NPHP3: variants seen among roughly 807,000 people sequenced by gnomAD.
NPHP3 encodes the protein nephrocystin-3.
Under a neutral mutation model 171.9 loss-of-function variants are expected in NPHP3, and 123 were observed. That is an observed-to-expected ratio of 0.72 (90% CI 0.62 to 0.83). The LOEUF (loss-of-function observed/expected upper bound fraction) is 0.83, where lower values mean the gene tolerates loss of function less well. NPHP3 is among the 40% of genes least tolerant of loss of function. The pLI, the probability that NPHP3 is intolerant of heterozygous loss-of-function variation, is 0.00. For missense variants in NPHP3, 1,506 were observed against 1,591.9 expected, an observed-to-expected ratio of 0.95 and a Z score of 0.92; for synonymous variants, 558 against 579.2, an observed-to-expected ratio of 0.96 and a Z score of 0.52.
rs1440957419 is a variant in NPHP3, at chr3:132,680,864, A to G, written c.*1046T>C. On this transcript the variant is annotated 3_prime_UTR_variant, in exon 27 of 27. Coordinates refer to ENST00000337331, the MANE Select transcript of NPHP3 (RefSeq NM_153240.5). The stretch of plus-strand genomic sequence containing the variant: ...TGAAGAGACAGATTTAGGCCATCTA[A>G]GAAGGAAGATAAAGGAGAATGTCAT... 1 of 152,228 alleles carries G rather than the reference A, an allele frequency of 6.6e-6. No homozygotes were observed. Among genetic ancestry groups the G allele is most frequent in the East Asian group, 1.9e-4 (1 of 5,198 alleles). The allele number at this position is 152,228 out of a possible 1,614,324, so 9.4% of individuals were successfully genotyped here.
In NPHP3 at chr3:132,722,173, G is replaced by A. The variant is rs1940250594; in HGVS notation, c.183C>T (p.Pro61=). The stretch of plus-strand genomic sequence containing the variant: ...GCAGCCCGCCCGCGCCCACCCCGCG[G>A]GGCAGCGACCCGGGCCCGGCCCCTG... The part of the protein sequence containing the change: ...AAAGAGPGSL[P]RGVGAGGLLG... The change falls in exon 1 of 27, where the codon CCC becomes CCT. Residue 61 remains proline, a synonymous_variant. Coordinates refer to ENST00000337331, the MANE Select transcript of NPHP3 (RefSeq NM_153240.5). 5 of 1,559,630 alleles carry A rather than the reference G, an allele frequency of 3.2e-6. No homozygotes were observed. Among genetic ancestry groups the A allele is most frequent in the Non-Finnish European group, 4.3e-6 (5 of 1,160,854 alleles).
chr3:132,704,011 C>A (rs890408494), intron 9 of NPHP3, among the ~76,000 whole-genome samples, 187 bp downstream of exon 9: 6 of 152,190 alleles, frequency 3.9e-5, no homozygotes, highest in African/African-American at 1.4e-4. Context: ...TCTTTATAAG[C>A]ACATTTGAAT....
At chr3:132,708,355 G>A in intron 6 of NPHP3, 98 bp from the exon 7 acceptor site, 1 of 1,205,276 alleles carries the variant, frequency 8.3e-7, no homozygotes, top group African/African-American at 1.5e-5. Context: ...TTACTACAGT[G>A]ACAAGTGGCC....
chr3:132,699,511 A>C (rs919759134), intron 12 of NPHP3, 61 bp from the exon 13 acceptor site: 31 of 1,035,844 alleles, frequency 3.0e-5, no homozygotes, highest in Non-Finnish European at 4.1e-5. Context: ...CAATCCAATA[A>C]TAGCTCCCCA....
In NPHP3 at chr3:132,704,198, T is replaced by C. The variant is rs776768826; in HGVS notation, c.1524A>G (p.Lys508=). The change falls in exon 9 of 27, where the codon AAA becomes AAG. Residue 508 remains lysine (K), a splice_region_variant and synonymous_variant. Coordinates refer to ENST00000337331, the MANE Select transcript of NPHP3 (RefSeq NM_153240.5). Reference sequence around the variant, plus strand: ...TTGCAATAATACTCCAAGCACTTACTTTCTCAAATCCCAACTCATGGGCTG... The same window carrying C: ...TTGCAATAATACTCCAAGCACTTACCTTCTCAAATCCCAACTCATGGGCTG... ...SNSAHELGFE[K]YYQRLNDLVA... is the part of the protein sequence containing the mutation. 2 of 1,614,160 alleles carry C rather than the reference T, an allele frequency of 1.2e-6. No homozygotes were observed. The highest frequency in any genetic ancestry group is 1.7e-6 in the Non-Finnish European group (2 of 1,179,998).
chr3:132,686,401 G>A lies in NPHP3; in HGVS notation c.3202-14C>T. The A allele has an allele frequency of 6.2e-7, 1 of 1,613,742 alleles. No individual in the cohort carries two copies. The highest frequency in any genetic ancestry group is 8.5e-7 in the Non-Finnish European group (1 of 1,179,806). ...GGCAAATCCGTACTGCAGCAAACATGAAAAATGAAAAGCAATCACTAAGTA... is the reference window on the plus strand; with the variant it reads ...GGCAAATCCGTACTGCAGCAAACATAAAAAATGAAAAGCAATCACTAAGTA... On this transcript the variant is annotated splice_polypyrimidine_tract_variant and intron_variant, in intron 22 of 26. Coordinates refer to ENST00000337331, the MANE Select transcript of NPHP3 (RefSeq NM_153240.5).
chr3:132,683,554 A>T, intron 24 of NPHP3, 30 bp from the exon 25 acceptor site: 1 of 1,574,884 alleles, frequency 6.3e-7, no homozygotes, highest in Admixed American at 1.7e-5. Flanking sequence ...TCTAACAAAA[A>T]TATAAGGCAA....
In NPHP3 at chr3:132,716,926, T is replaced by G. The variant is rs1221185183; in HGVS notation, c.671-17A>C. ...TTCCAGCAGCTGTTCAGCAAGAGATTTTTATCTTGTGAAAGCCAACTTATT... is the reference window on the plus strand; with the variant it reads ...TTCCAGCAGCTGTTCAGCAAGAGATGTTTATCTTGTGAAAGCCAACTTATT... On this transcript the variant is annotated splice_polypyrimidine_tract_variant and intron_variant, in intron 3 of 26. Coordinates refer to ENST00000337331, the MANE Select transcript of NPHP3 (RefSeq NM_153240.5). The G allele has an allele frequency of 3.7e-6, 6 of 1,612,702 alleles. No homozygotes were observed. Among genetic ancestry groups the G allele is most frequent in the Non-Finnish European group, 5.1e-6 (6 of 1,179,942 alleles).
chr3:132,709,724 T>C (rs576034613), intron 6 of NPHP3, among the ~76,000 whole-genome samples: 2 of 152,322 alleles, frequency 1.3e-5, no homozygotes, highest in Admixed American at 1.3e-4. Context: ...GGCGATATTG[T>C]ATGATTCAGA....
intron 6 of NPHP3, 110 bp downstream of exon 6, chr3:132,713,016 A>AT (rs986296280): frequency 9.0e-6 from 5 of 558,318 alleles, no homozygotes; most frequent in Admixed American, 7.4e-5. Flanking sequence ...AATTTCATGG[A>AT]TTTTTTTATT....
Position 132,722,208 on chromosome 3 carries a change from C to T in NPHP3, c.148G>A (p.Gly50Arg). The change falls in exon 1 of 27, where the codon GGG becomes AGG. Residue 50 changes from glycine to arginine, a missense_variant. This residue lies in a region of NPHP3 where 930 missense variants were observed against 924.9 expected (regional missense o/e 1.01). Coordinates refer to ENST00000337331, the MANE Select transcript of NPHP3 (RefSeq NM_153240.5). ...CCGGGCCCGGCCCCTGCTGCCGCCCCCGCGCCTCGGCGGAACGAGTTGCGC... is the reference window on the plus strand; with the variant it reads ...CCGGGCCCGGCCCCTGCTGCCGCCCTCGCGCCTCGGCGGAACGAGTTGCGC... ...LLRNSFRRGA[G>R]AAAGAGPGSL... 6.6e-7 allele frequency: 1 copy of T among 1,519,394 alleles called. No homozygotes were observed. The highest frequency in any genetic ancestry group is 8.7e-7 in the Non-Finnish European group (1 of 1,143,300). The allele number at this position is 1,519,394 out of a possible 1,614,324, so 94.1% of individuals were successfully genotyped here. A position where few individuals can be genotyped will look rare whatever the true frequency, so the allele number is the denominator to read the frequency against.
chr3:132,704,087 T>G (rs1217078935), intron 9 of NPHP3, 111 bp downstream of exon 9: 2 of 1,084,142 alleles, frequency 1.8e-6, no homozygotes, highest in East Asian at 4.8e-5. Flanking sequence ...GCCATGAGAT[T>G]AGACAACTAA....
rs139102338 is a variant in NPHP3 at position 132,714,633 on chromosome 3, G to C, written c.957+452C>G. 1.8e-3 allele frequency among the ~76,000 whole-genome samples: 270 copies of C among 152,238 alleles called. 3 individuals carry two copies. Among genetic ancestry groups the C allele is most frequent in the African/African-American group, 6.2e-3 (259 of 41,522 alleles). On this transcript the variant is annotated intron_variant, in intron 5 of 26. Coordinates refer to ENST00000337331, the MANE Select transcript of NPHP3 (RefSeq NM_153240.5). ...AGTCCTAGCTGTTCTGGAGGACTGA[G>C]TGGGAAGATTGCTTGAGCTCACGAG...
intron 16 of NPHP3, among the ~76,000 whole-genome samples, chr3:132,694,554 C>G (rs1329029373): frequency 6.6e-6 from 1 of 151,760 alleles, no homozygotes; most frequent in Admixed American, 6.6e-5. Flanking sequence ...ACCTACAGAT[C>G]GATAAGGAAA....
Position 132,715,137 on chromosome 3 carries a change from C to T in NPHP3, c.905G>A (p.Cys302Tyr). 6.2e-7 allele frequency: 1 copy of T among 1,611,836 alleles called. No homozygotes were observed. The highest frequency in any genetic ancestry group is 8.5e-7 in the Non-Finnish European group (1 of 1,178,078). The change falls in exon 5 of 27, where the codon TGT becomes TAT. Residue 302 changes from cysteine (C) to tyrosine (Y), a missense_variant. By Grantham distance (194) the Cys-to-Tyr change is radical. Transcript: ENST00000337331. The stretch of plus-strand genomic sequence containing the variant: ...GGTTTCATCTGTATAAATGAGGTAA[C>T]ATCTGACAGTGTTACTCCACAGAGA... ...SHSLWSNTVRCYLIYTDETQP... is the reference protein window; with the variant it reads ...SHSLWSNTVRYYLIYTDETQP...
In NPHP3 at chr3:132,681,641, C is replaced by G; in HGVS notation, c.*269G>C. On this transcript the variant is annotated 3_prime_UTR_variant, in exon 27 of 27. Transcript: ENST00000337331. Reference sequence around the variant, plus strand: ...CTTGTTGAACAAAGACCAATCCGCTCTTCATGATTTGCTCCTCATGTCTTC... The same window carrying G: ...CTTGTTGAACAAAGACCAATCCGCTGTTCATGATTTGCTCCTCATGTCTTC... 1 of 419,756 alleles carries G rather than the reference C, an allele frequency of 2.4e-6. No homozygotes were observed. The allele number at this position is 419,756 out of a possible 1,614,324, so 26.0% of individuals were successfully genotyped here.
intron 23 of NPHP3, chr3:132,685,086 A>G: frequency 3.0e-6 from 1 of 335,248 alleles, no homozygotes; most frequent in South Asian, 3.1e-5. Flanking sequence ...AAATTATTAG[A>G]CCTAGGTCCA....
intron 6 of NPHP3, among the ~76,000 whole-genome samples, chr3:132,711,157 G>T (rs73001974): frequency 2.6e-5 from 4 of 152,190 alleles, no homozygotes; most frequent in Non-Finnish European, 5.9e-5. Flanking sequence ...GGATGGGGTA[G>T]TCATCAGGGT....
chr3:132,684,943 T>C, intron 23 of NPHP3, 149 bp from the exon 24 acceptor site: 1 of 894,402 alleles, frequency 1.1e-6, no homozygotes, highest in Non-Finnish European at 1.7e-6. Flanking sequence ...TTTCCCCCTC[T>C]TCCCCACCCC....
Sources: gnomAD v4.1 joint callset for allele counts (sites outside exome capture counted in the v4.1 genomes callset) on GRCh38, gnomAD v4.1.1 for gene constraint, gnomAD v4.1.1 regional missense constraint, MANE v1.5 for transcripts, NCBI Gene and HGNC (gene_info 2026-07-23, HGNC 2026-07-21) for gene names.